Variants in LHCGR observed in about 807,000 individuals in gnomAD.
LHCGR encodes luteinizing hormone/choriogonadotropin receptor.
Under a neutral mutation model 60.7 loss-of-function variants are expected in LHCGR, and 55 were observed. That is an observed-to-expected ratio of 0.91 (90% CI 0.73 to 1.13). The LOEUF (loss-of-function observed/expected upper bound fraction) is 1.13. Ranked by LOEUF, LHCGR falls within the 50% of genes most tolerant of loss-of-function variation. The pLI is 0.00. For missense variants in LHCGR, 862 were observed against 836.0 expected (o/e 1.03, Z -0.38); for synonymous variants, 337 against 316.5 (o/e 1.06, Z -0.69).
At chr2:48,718,833 C>G (rs1668374469) in intron 6 of LHCGR, among the ~76,000 whole-genome samples, 1 of 152,172 alleles carries the variant, frequency 6.6e-6, no homozygotes, top group South Asian at 2.1e-4. Context: ...AGTTATGAAT[C>G]AGGGTCCCCC....
In LHCGR at chr2:48,754,339, G is replaced by A. The variant is rs72876969; in HGVS notation, c.161+1172C>T. Among the ~76,000 whole-genome samples the A allele has an allele frequency of 9.9e-3, 1,511 of 152,290 alleles. 23 individuals are homozygous for A. Among genetic ancestry groups the A allele is most frequent in the African/African-American group, 0.034 (1,432 of 41,544 alleles). On this transcript the variant is annotated intron_variant, in intron 1 of 10. Coordinates refer to ENST00000294954, the MANE Select transcript of LHCGR (RefSeq NM_000233.4). The stretch of plus-strand genomic sequence containing the variant: ...TGTTGGGGGCTCAAAGGAAATGGCA[G>A]AGGGGGTGGTCTCCTTCCTTCCCCA...
In LHCGR at chr2:48,687,214, C is replaced by T. The variant is rs1177951555; in HGVS notation, c.*483G>A. 2 of 159,340 alleles carry T rather than the reference C, an allele frequency of 1.3e-5. No homozygotes were observed. Among genetic ancestry groups the T allele is most frequent in the Non-Finnish European group, 2.8e-5 (2 of 72,382 alleles). 9.9% of individuals were successfully genotyped at this position (159,340 alleles called of 1,614,324 possible). A position where few individuals can be genotyped will look rare whatever the true frequency, so the allele number is the denominator to read the frequency against. On this transcript the variant is annotated 3_prime_UTR_variant, in exon 11 of 11. Coordinates refer to ENST00000294954, the MANE Select transcript of LHCGR (RefSeq NM_000233.4). ...CTAGTGCAACTGAGAAACTACATTTCTCATTTTATTTAATTTTAATTTAGC... is the reference window on the plus strand; with the variant it reads ...CTAGTGCAACTGAGAAACTACATTTTTCATTTTATTTAATTTTAATTTAGC...
chr2:48,705,455 G>T (rs1277772820), intron 8 of LHCGR, among the ~76,000 whole-genome samples: 1 of 152,042 alleles, frequency 6.6e-6, no homozygotes, highest in East Asian at 1.9e-4. Flanking sequence ...TGTTAATTTT[G>T]TGTCTCATTG....
chr2:48,689,066 T>C (rs953354634), intron 10 of LHCGR, among the ~76,000 whole-genome samples: 5 of 151,658 alleles, frequency 3.3e-5, no homozygotes, highest in Admixed American at 6.6e-5. Context: ...TACACACACA[T>C]ATATACACAC....
chr2:48,709,150 G>T, intron 7 of LHCGR, 128 bp from the exon 8 acceptor site: 1 of 760,496 alleles, frequency 1.3e-6, no homozygotes, highest in Non-Finnish European at 2.4e-6. Flanking sequence ...AAAAGGGTAA[G>T]TGGAGGGAAA....
rs13006250 is a variant in LHCGR, at chr2:48,717,728, C to A, written c.537-3674G>T. Among the ~76,000 whole-genome samples the A allele has an allele frequency of 4.2e-3, 634 of 151,860 alleles. 4 individuals carry two copies. Among genetic ancestry groups the A allele is most frequent in the Non-Finnish European group, 6.1e-3 (412 of 67,968 alleles). On this transcript the variant is annotated intron_variant, in intron 6 of 10. Coordinates refer to ENST00000294954, the MANE Select transcript of LHCGR (RefSeq NM_000233.4). Reference sequence around the variant, plus strand: ...TCTTCCTGGGCAGAGCAAGTCAGGTCAGTGGCCTGGGCTGCACTAAATGTA... The same window carrying A: ...TCTTCCTGGGCAGAGCAAGTCAGGTAAGTGGCCTGGGCTGCACTAAATGTA...
At chr2:48,736,424 T>C (rs1342227989) in intron 1 of LHCGR, among the ~76,000 whole-genome samples, 1 of 152,202 alleles carries the variant, frequency 6.6e-6, no homozygotes, top group African/African-American at 2.4e-5. Context: ...AGTGCAGCTG[T>C]GTCAGAGTCC....
intron 1 of LHCGR, chr2:48,732,913 G>A (rs1011562166): frequency 5.2e-5 from 28 of 534,378 alleles, no homozygotes; most frequent in Admixed American, 1.4e-4. Context: ...GAAGGACATC[G>A]TTTAACACCT....
At chr2:48,694,794 G>A (rs537301820) in intron 9 of LHCGR, among the ~76,000 whole-genome samples, 9 of 152,142 alleles carry the variant, frequency 5.9e-5, no homozygotes, top group Non-Finnish European at 8.8e-5. Flanking sequence ...AGAAACATAC[G>A]TGGGTGCTCC....
intron 6 of LHCGR, among the ~76,000 whole-genome samples, chr2:48,718,629 C>G (rs935678871): frequency 6.6e-6 from 1 of 151,842 alleles, no homozygotes; most frequent in East Asian, 1.9e-4. Flanking sequence ...TTTCAAATGA[C>G]TATACAAACA....
intron 1 of LHCGR, chr2:48,732,813 A>G (rs531041581): frequency 1.9e-6 from 1 of 528,146 alleles, no homozygotes; most frequent in Non-Finnish European, 3.9e-6. Context: ...TCAGAAAAAT[A>G]TTTTCACTCA....
chr2:48,733,180 A>G (rs1261319194), intron 1 of LHCGR: 3 of 335,890 alleles, frequency 8.9e-6, no homozygotes, highest in South Asian at 7.5e-5. Context: ...TGCTGGGGAT[A>G]ATGCAGTGCA....
Position 48,688,023 on chromosome 2 carries a change from C to T in LHCGR, c.1774G>A (p.Ala592Thr). 6.2e-7 allele frequency: 1 copy of T among 1,614,084 alleles called. No individual in the cohort carries two copies. The highest frequency in any genetic ancestry group is 8.5e-7 in the Non-Finnish European group (1 of 1,180,006). Residue 592 changes from alanine (A) to threonine (T), a missense_variant, in exon 11 of 11, where the codon GCT (alanine) becomes ACT (threonine). Coordinates refer to ENST00000294954, the MANE Select transcript of LHCGR (RefSeq NM_000233.4). The surrounding 1 kb of genome is among the most constrained non-coding windows in gnomAD (Gnocchi z 5.2). ...MAPISFFAIS[A>T]AFKVPLITVT... ...GTGATAAGAGGTACTTTGAAGGCAG[C>T]TGAGATGGCAAAAAAAGAGATAGGT... is the stretch of plus-strand genomic sequence containing the variant.
chr2:48,698,138 C>T (rs1269060689), intron 9 of LHCGR, among the ~76,000 whole-genome samples: 3 of 152,156 alleles, frequency 2.0e-5, no homozygotes, highest in African/African-American at 4.8e-5. Context: ...AGCTGTAATT[C>T]TGTTCTGAAA....
At chr2:48,752,719 A>T (rs1670012205) in intron 1 of LHCGR, among the ~76,000 whole-genome samples, 1 of 151,866 alleles carries the variant, frequency 6.6e-6, no homozygotes, top group Non-Finnish European at 1.5e-5. Context: ...TCAGGACTCA[A>T]AACTTCTTAT....
intron 8 of LHCGR, 165 bp downstream of exon 8, chr2:48,708,783 C>T (rs1238905027): frequency 4.2e-6 from 3 of 716,492 alleles, no homozygotes; most frequent in African/African-American, 3.5e-5. Context: ...GTTTGGGGTA[C>T]TTTATTATGG....
At chr2:48,727,229 C>T (rs990803529) in intron 3 of LHCGR, among the ~76,000 whole-genome samples, 4 of 151,262 alleles carry the variant, frequency 2.6e-5, no homozygotes, top group South Asian at 2.1e-4. Context: ...AATTTGAGGT[C>T]GGTCTGGGCA....
rs1464703524 is a variant in LHCGR at position 48,687,859 on chromosome 2, A to G, written c.1938T>C (p.Arg646=). Residue 646 remains arginine (R), a synonymous_variant, in exon 11 of 11, where the codon CGT becomes CGC. Coordinates refer to ENST00000294954, the MANE Select transcript of LHCGR (RefSeq NM_000233.4). Reference sequence around the variant, plus strand: ...CTTTCCTTCTATAAAGTTCAGCCCGACGTTTACAGCAGCCAAATTTGCTCA... The same window carrying G: ...CTTTCCTTCTATAAAGTTCAGCCCGGCGTTTACAGCAGCCAAATTTGCTCA... ...LLLSKFGCCK[R]RAELYRRKDF... 6.2e-7 allele frequency: 1 copy of G among 1,614,148 alleles called. No homozygotes were observed. Among genetic ancestry groups the G allele is most frequent in the Admixed American group, 1.7e-5 (1 of 60,012 alleles).
At chr2:48,711,727 A>C (rs1005114428) in intron 7 of LHCGR, among the ~76,000 whole-genome samples, 4 of 151,798 alleles carry the variant, frequency 2.6e-5, no homozygotes, top group African/African-American at 7.3e-5. Context: ...TTTAATATTC[A>C]GTTCTTTTAT....
Sources: gnomAD v4.1 joint callset for allele counts (sites outside exome capture counted in the v4.1 genomes callset) on GRCh38, gnomAD v4.1.1 for gene constraint, Gnocchi (gnomAD v3.1) non-coding constraint, MANE v1.5 for transcripts, NCBI Gene and HGNC (gene_info 2026-07-23, HGNC 2026-07-21) for gene names.